The following CRCP variants were observed in gnomAD, a reference collection of about 807,000 sequenced individuals.
The protein encoded by CRCP is CGRP receptor component.
In CRCP, 18 loss-of-function variants were observed where a neutral mutation model predicts 18.5. The ratio of observed to expected loss-of-function variants is 0.97; its 90% confidence interval spans 0.67 to 1.44. The LOEUF (loss-of-function observed/expected upper bound fraction) is 1.44. CRCP is among the 40% of genes most tolerant of loss of function. The pLI, the probability that CRCP is intolerant of heterozygous loss-of-function variation, is 0.00. For synonymous variants in CRCP, 53 were observed against 62.9 expected (o/e 0.84, Z 0.75); for missense variants, 130 against 176.4 (o/e 0.74, Z 1.49).
At chr7:66,124,587 G>C (rs1787564138) in intron 1 of CRCP, among the ~76,000 whole-genome samples, 1 of 129,760 alleles carries the variant, frequency 7.7e-6, no homozygotes, top group East Asian at 2.6e-4. Context: ...AGAGACACTT[G>C]AGCCCAGGCT....
At position 66,134,308 on chromosome 7, in the gene CRCP, GCAGGCACCAGAGT is replaced by G; in HGVS notation, c.175_187del (p.Arg59LeufsTer11). 1.2e-6 allele frequency: 2 copies of G among 1,602,588 alleles called. No homozygotes were observed. Among genetic ancestry groups the G allele is most frequent in the Non-Finnish European group, 1.7e-6 (2 of 1,176,274 alleles). On this transcript the variant is annotated frameshift_variant, in exon 4 of 6. Coordinates refer to ENST00000395326, the MANE Select transcript of CRCP (RefSeq NM_014478.5). LOFTEE classifies it high-confidence loss of function. ...TTAAAATACATATCAAAAACACCAT[GCAGGCACCAGAGT>G]CCTGAAATTGTCAGAGAATTTCTCA...
In CRCP at chr7:66,114,950, G is replaced by A. The variant is rs370822869; in HGVS notation, c.-13G>A. The A allele has an allele frequency of 2.0e-5, 33 of 1,612,132 alleles. No individual in the cohort carries two copies. The highest frequency in any genetic ancestry group is 6.7e-5 in the African/African-American group (5 of 74,902). Reference sequence around the variant, plus strand: ...TTGTCTGCTGGCAGCTAGGGGCGACGAGGCGGGACGTCATGGAAGTGTAAG... The same window carrying A: ...TTGTCTGCTGGCAGCTAGGGGCGACAAGGCGGGACGTCATGGAAGTGTAAG... On this transcript the variant is annotated 5_prime_UTR_variant, in exon 1 of 6. Coordinates refer to ENST00000395326, the MANE Select transcript of CRCP (RefSeq NM_014478.5).
At chr7:66,146,583 G>C (rs535392233) in intron 5 of CRCP, among the ~76,000 whole-genome samples, 1 of 152,108 alleles carries the variant, frequency 6.6e-6, no homozygotes, top group African/African-American at 2.4e-5. Flanking sequence ...TCAAAAATAC[G>C]ATTTTTAGAG....
intron 1 of CRCP, among the ~76,000 whole-genome samples, chr7:66,117,372 CT>C (rs992408004): frequency 2.4e-4 from 37 of 152,148 alleles, no homozygotes; most frequent in Middle Eastern, 3.4e-3. Context: ...TCCTGGGACC[CT>C]TTCTCTCCAC....
chr7:66,119,978 C>T (rs756421800), intron 1 of CRCP, among the ~76,000 whole-genome samples: 8 of 151,944 alleles, frequency 5.3e-5, no homozygotes, highest in African/African-American at 1.5e-4. Context: ...GTCAGGAGAT[C>T]GAGACCATCC....
intron 1 of CRCP, among the ~76,000 whole-genome samples, chr7:66,116,488 TAAA>T (rs34037462): frequency 0.11 from 14,910 of 135,072 alleles, 906 homozygotes; most frequent in South Asian, 0.2. Context: ...GGCTCTGTCT[TAAA>T]AAAAAAAAAA....
At chr7:66,148,662 C>G (rs1223371627) in intron 5 of CRCP, among the ~76,000 whole-genome samples, 9 of 152,204 alleles carry the variant, frequency 5.9e-5, no homozygotes, top group African/African-American at 2.2e-4. Context: ...CTTGTTGTGC[C>G]CGGTTGTGTA....
At chr7:66,138,807 A>AAT (rs1554333958) in intron 4 of CRCP, among the ~76,000 whole-genome samples, 10 of 151,214 alleles carry the variant, frequency 6.6e-5, no homozygotes, top group South Asian at 2.1e-4. Flanking sequence ...AAAAAAAAAA[A>AAT]TTTAAATAAA....
intron 1 of CRCP, 103 bp downstream of exon 1, chr7:66,115,073 G>C (rs1033877261): frequency 1.3e-6 from 2 of 1,507,986 alleles, no homozygotes; most frequent in African/African-American, 2.8e-5. Context: ...CCCTCGTACG[G>C]GAGTGAGGGC....
chr7:66,115,045 G>T, intron 1 of CRCP, 75 bp downstream of exon 1: 1 of 1,567,840 alleles, frequency 6.4e-7, no homozygotes, highest in Non-Finnish European at 8.7e-7. Context: ...AGAGCCGAGA[G>T]CCGTGGGGAC....
At chr7:66,130,520 T>G (rs188518787) in intron 2 of CRCP, among the ~76,000 whole-genome samples, 14 of 152,326 alleles carry the variant, frequency 9.2e-5, no homozygotes, top group African/African-American at 3.4e-4. Context: ...ATATTTTAAG[T>G]AAATTAATGA....
At chr7:66,130,708 T>C (rs1325186514) in intron 2 of CRCP, 36 bp from the exon 3 acceptor site, 2 of 1,292,912 alleles carry the variant, frequency 1.5e-6, no homozygotes, top group South Asian at 1.2e-5. Context: ...ATTTCTCAAA[T>C]TTATTCATAA....
At chr7:66,132,697 CA>C (rs1407952378) in intron 3 of CRCP, among the ~76,000 whole-genome samples, 1 of 152,030 alleles carries the variant, frequency 6.6e-6, no homozygotes, top group Non-Finnish European at 1.5e-5. Flanking sequence ...AGGCGGATCA[CA>C]AGGTCAGGAG....
chr7:66,132,767 G>T (rs554541355), intron 3 of CRCP, among the ~76,000 whole-genome samples: 1 of 152,032 alleles, frequency 6.6e-6, no homozygotes, highest in Non-Finnish European at 1.5e-5. Context: ...AAAATTAGCC[G>T]GGCGTAGTGG....
At chr7:66,132,304 C>T (rs1787831303) in intron 3 of CRCP, among the ~76,000 whole-genome samples, 1 of 152,140 alleles carries the variant, frequency 6.6e-6, no homozygotes, top group Non-Finnish European at 1.5e-5. Context: ...TAACATGTCC[C>T]CATAATGTCA....
chr7:66,152,243 G>A lies in CRCP; in HGVS notation c.333G>A (p.Glu111=). Reference sequence around the variant, plus strand: ...AGAGTGAAGAGCGGCTCACGGAGGAGCAGATTGAAGCTCTTCTCCACACCG... The same window carrying A: ...AGAGTGAAGAGCGGCTCACGGAGGAACAGATTGAAGCTCTTCTCCACACCG... The part of the protein sequence containing the change: ...VEESEERLTE[E]QIEALLHTVT... The change falls in exon 6 of 6, where the codon GAG becomes GAA. Residue 111 remains glutamate, a synonymous_variant. Coordinates refer to ENST00000395326, the MANE Select transcript of CRCP (RefSeq NM_014478.5). 1 of 1,614,084 alleles carries A rather than the reference G, an allele frequency of 6.2e-7. No individual in the cohort carries two copies. Among genetic ancestry groups the A allele is most frequent in the South Asian group, 1.1e-5 (1 of 91,084 alleles).
chr7:66,138,986 TC>T (rs1788055945), intron 4 of CRCP, among the ~76,000 whole-genome samples: 1 of 152,150 alleles, frequency 6.6e-6, no homozygotes, highest in Non-Finnish European at 1.5e-5. Flanking sequence ...TCTATCCCAA[TC>T]TCTTTCTCCT....
intron 1 of CRCP, among the ~76,000 whole-genome samples, chr7:66,122,790 C>G (rs1787485510): frequency 6.6e-6 from 1 of 152,022 alleles, no homozygotes; most frequent in Non-Finnish European, 1.5e-5. Flanking sequence ...CTTTTGAGGC[C>G]TCTTGCCTGA....
chr7:66,116,747 A>G (rs990346834), intron 1 of CRCP, among the ~76,000 whole-genome samples: 4 of 152,090 alleles, frequency 2.6e-5, no homozygotes, highest in Admixed American at 2.0e-4. Flanking sequence ...AAACTTCTTG[A>G]AAGTGCTGAT....
Sources: gnomAD v4.1 joint callset for allele counts (sites outside exome capture counted in the v4.1 genomes callset) on GRCh38, gnomAD v4.1.1 for gene constraint, MANE v1.5 for transcripts, NCBI Gene and HGNC (gene_info 2026-07-23, HGNC 2026-07-21) for gene names.